NEXMIF: variants seen among roughly 807,000 people sequenced by gnomAD.
NEXMIF encodes neurite extension and migration factor.
NEXMIF carries 8 observed loss-of-function variants against 62.1 expected under a neutral mutation model. The ratio of observed to expected loss-of-function variants is 0.13; its 90% CI spans 0.08 to 0.23. The LOEUF is 0.23. NEXMIF is among the 10% of genes least tolerant of loss of function. The pLI, the probability that NEXMIF is intolerant of heterozygous loss-of-function variation, is 1.00. For missense variants in NEXMIF, 976 were observed against 1,113.3 expected (o/e 0.88, Z 1.75); for synonymous variants, 404 against 416.6 (o/e 0.97, Z 0.37).
At chrX:74,888,298 T>TAAAC (rs757004953) in intron 1 of NEXMIF, among the ~76,000 whole-genome samples, 3 of 99,460 alleles carry the variant, frequency 3.0e-5, no homozygotes, top group African/African-American at 7.4e-5. Flanking sequence ...ATAATAATAA[T>TAAAC]AAACAAACAA....
intron 1 of NEXMIF, among the ~76,000 whole-genome samples, chrX:74,877,174 T>C (rs998306812): frequency 1.3e-4 from 14 of 111,641 alleles, no homozygotes; most frequent in Admixed American, 1.9e-4. Flanking sequence ...GGAGCTCTTT[T>C]AGGGCAGGCC....
At chrX:74,766,272 G>A (rs1475695915) in intron 1 of NEXMIF, among the ~76,000 whole-genome samples, 11 of 111,287 alleles carry the variant, frequency 9.9e-5, no homozygotes, top group Non-Finnish European at 2.1e-4. Context: ...AAATTTGACT[G>A]TTGGCATCTC....
At chrX:74,791,273 T>G (rs1465714189) in intron 1 of NEXMIF, among the ~76,000 whole-genome samples, 2 of 112,016 alleles carry the variant, frequency 1.8e-5, no homozygotes, top group Non-Finnish European at 3.8e-5. Context: ...ATGTGCTGGA[T>G]TACATTTATT....
rs1389042335 is a variant in NEXMIF, at chrX:74,792,734, CTTCT to C, written c.-47-47041_-47-47038del. On this transcript the variant is annotated intron_variant, in intron 1 of 3. Transcript: ENST00000055682. ...GATCCCTTTACCATTATGTAATGGC[CTTCT>C]TTGTCTCTTTTGATCTTTGTTGGTT... 6.4e-5 allele frequency among the ~76,000 whole-genome samples: 5 copies of C among 78,341 alleles called. No individual in the cohort carries two copies. The East Asian group carries it at 1.7e-3, about 26-fold the overall frequency. The allele number at this position is 78,341 out of a possible 115,157, so 68.0% of individuals were successfully genotyped here. A position where few individuals can be genotyped will look rare whatever the true frequency, so the allele number is the denominator to read the frequency against.
At chrX:74,758,459 A>G (rs1183248475) in intron 1 of NEXMIF, among the ~76,000 whole-genome samples, 1 of 111,717 alleles carries the variant, frequency 9.0e-6, no homozygotes, top group Non-Finnish European at 1.9e-5. Flanking sequence ...TAAATTTGTT[A>G]TATAGGTCAT....
intron 1 of NEXMIF, among the ~76,000 whole-genome samples, chrX:74,908,146 A>G (rs2080775222): frequency 8.9e-6 from 1 of 111,873 alleles, no homozygotes; most frequent in African/African-American, 3.3e-5. Flanking sequence ...AAGGCTGAGG[A>G]AACCCAAGAG....
At chrX:74,836,485 C>G (rs998337402) in intron 1 of NEXMIF, among the ~76,000 whole-genome samples, 1 of 111,581 alleles carries the variant, frequency 9.0e-6, no homozygotes, top group Non-Finnish European at 1.9e-5. Flanking sequence ...GTCCCAAGAG[C>G]TCTTTAGTTA....
At chrX:74,799,117 A>C (rs780779359) in intron 1 of NEXMIF, among the ~76,000 whole-genome samples, 1 of 111,375 alleles carries the variant, frequency 9.0e-6, no homozygotes, top group South Asian at 3.8e-4. Context: ...CTCCCACCTC[A>C]GCCTCCCAAA....
At chrX:74,778,441 C>CT (rs2080235318) in intron 1 of NEXMIF, among the ~76,000 whole-genome samples, 1 of 110,892 alleles carries the variant, frequency 9.0e-6, no homozygotes, top group African/African-American at 3.3e-5. Context: ...TCCTTCTTTT[C>CT]TTTTTTCTTT....
chrX:74,915,087 C>G (rs1337471667), intron 1 of NEXMIF, among the ~76,000 whole-genome samples: 3 of 111,579 alleles, frequency 2.7e-5, no homozygotes, highest in Non-Finnish European at 5.6e-5. Context: ...CAAAAGAGAT[C>G]TCTAGCGGTG....
chrX:74,866,304 G>T (rs940766874), intron 1 of NEXMIF, among the ~76,000 whole-genome samples: 1 of 111,409 alleles, frequency 9.0e-6, no homozygotes, highest in Non-Finnish European at 1.9e-5. Context: ...CATAGAGCCT[G>T]CAGCCCCTTT....
chrX:74,865,062 C>G (rs946888258), intron 1 of NEXMIF, among the ~76,000 whole-genome samples: 8 of 111,535 alleles, frequency 7.2e-5, no homozygotes, highest in African/African-American at 2.3e-4. Context: ...TCAAATGGTA[C>G]CAGTAGAGTG....
chrX:74,861,908 C>T (rs1354622589), intron 1 of NEXMIF, among the ~76,000 whole-genome samples: 1 of 111,640 alleles, frequency 9.0e-6, no homozygotes, highest in African/African-American at 3.3e-5. Flanking sequence ...ATTACAAAGA[C>T]CAATGACACT....
chrX:74,883,937 C>A (rs754310079), intron 1 of NEXMIF, among the ~76,000 whole-genome samples: 1 of 112,452 alleles, frequency 8.9e-6, no homozygotes, highest in Non-Finnish European at 1.9e-5. Context: ...ATCAGACTAA[C>A]AGCGGATCTC....
chrX:74,812,434 T>A (rs139904595), intron 1 of NEXMIF, among the ~76,000 whole-genome samples: 1,171 of 112,178 alleles, frequency 0.01, 17 homozygotes, highest in African/African-American at 0.036. Context: ...CCAACTTATT[T>A]GGAATCTTTA....
At chrX:74,872,651 T>C (rs2080606984) in intron 1 of NEXMIF, among the ~76,000 whole-genome samples, 1 of 109,857 alleles carries the variant, frequency 9.1e-6, no homozygotes, top group Non-Finnish European at 1.9e-5. Context: ...TACATAATTA[T>C]ACATTTTAAA....
intron 1 of NEXMIF, among the ~76,000 whole-genome samples, chrX:74,777,759 C>G (rs2080232834): frequency 8.9e-6 from 1 of 111,761 alleles, no homozygotes; most frequent in Non-Finnish European, 1.9e-5. Flanking sequence ...TAAAATGAGA[C>G]ACACCAAAAA....
At chrX:74,886,256 T>A (rs1226577120) in intron 1 of NEXMIF, among the ~76,000 whole-genome samples, 3 of 111,694 alleles carry the variant, frequency 2.7e-5, no homozygotes, top group African/African-American at 9.8e-5. Flanking sequence ...GGATGCCCTC[T>A]CTCACCACTC....
intron 1 of NEXMIF, among the ~76,000 whole-genome samples, chrX:74,865,143 C>G (rs948463360): frequency 8.9e-6 from 1 of 111,991 alleles, no homozygotes; most frequent in Admixed American, 9.5e-5. Context: ...GAGGTTGGAA[C>G]AGTTTGGAGT....
Sources: allele counts gnomAD v4.1 joint callset (sites outside exome capture counted in the v4.1 genomes callset), GRCh38; gene constraint gnomAD v4.1.1; transcripts MANE v1.5; gene names NCBI Gene and HGNC (gene_info 2026-07-23, HGNC 2026-07-21).